PIK3AP1: variants seen among roughly 807,000 people sequenced by gnomAD.
PIK3AP1 encodes the protein phosphoinositide 3-kinase adapter protein 1.
Under a neutral mutation model 88.1 loss-of-function variants are expected in PIK3AP1, and 21 were observed. The observed-to-expected ratio is 0.24, with a 90% CI of 0.17 to 0.34. The LOEUF (loss-of-function observed/expected upper bound fraction) is 0.34, where lower values mean the gene tolerates loss of function less well. PIK3AP1 is among the 10% of genes least tolerant of loss of function. The probability of loss-of-function intolerance (pLI) is 1.00; values close to 1 mark genes in which losing one functional copy is unlikely to be tolerated. For missense variants in PIK3AP1, 828 were observed against 1,035.7 expected (o/e 0.80, Z 2.75); for synonymous variants, 398 against 400.0 (o/e 1.00, Z 0.06).
chr10:96,657,629 AGACCTACCTCT>A (rs1261733988), intron 2 of PIK3AP1, among the ~76,000 whole-genome samples: 2 of 151,536 alleles, frequency 1.3e-5, no homozygotes, highest in Non-Finnish European at 2.9e-5. Context: ...GTTAATTGAT[AGACCTACCTCT>A]GAGGTTGTGT....
chr10:96,598,035 T>C (rs2134175924), intron 16 of PIK3AP1, among the ~76,000 whole-genome samples: 1 of 124,482 alleles, frequency 8.0e-6, no homozygotes, highest in Non-Finnish European at 1.6e-5. Context: ...TTTTTTTTGT[T>C]TTTTTGTTGT....
chr10:96,616,773 A>G, intron 12 of PIK3AP1, 62 bp from the exon 13 acceptor site: 1 of 1,473,284 alleles, frequency 6.8e-7, no homozygotes, highest in South Asian at 1.1e-5. Context: ...TGGACATGAG[A>G]GTTTCTTTCA....
intron 3 of PIK3AP1, 145 bp downstream of exon 3, chr10:96,656,653 C>T: frequency 4.2e-6 from 5 of 1,191,182 alleles, no homozygotes; most frequent in Non-Finnish European, 5.9e-6. Flanking sequence ...GCCCGGGTAA[C>T]AGGGTACTCA....
intron 1 of PIK3AP1, among the ~76,000 whole-genome samples, chr10:96,714,241 A>G (rs1183016785): frequency 6.6e-6 from 1 of 152,152 alleles, no homozygotes; most frequent in Non-Finnish European, 1.5e-5. Context: ...TTTCCTGAGC[A>G]CTGATCATGT....
At chr10:96,679,018 T>C (rs1458373363) in intron 2 of PIK3AP1, among the ~76,000 whole-genome samples, 2 of 152,230 alleles carry the variant, frequency 1.3e-5, no homozygotes, top group South Asian at 2.1e-4. Flanking sequence ...CTGAGGATGA[T>C]GCAAATGCTC....
chr10:96,618,864 G>A (rs1843036859), intron 12 of PIK3AP1: 1 of 152,206 alleles, frequency 6.6e-6, no homozygotes, highest in Non-Finnish European at 1.5e-5. Context: ...TTTCTCAGCA[G>A]GACTGCAGCC....
At chr10:96,681,658 G>A (rs1252613171) in intron 2 of PIK3AP1, among the ~76,000 whole-genome samples, 6 of 152,200 alleles carry the variant, frequency 3.9e-5, no homozygotes, top group Middle Eastern at 3.2e-3. Context: ...TGAAGGCACC[G>A]AACCGGAGGC....
Position 96,645,536 on chromosome 10 carries a change from C to T in PIK3AP1, c.1312G>A (p.Gly438Ser), listed in dbSNP as rs2134228303. ...DLLMKCSLNP[G>S]CDEDLYESMA... ...GACTCATAGAGATCCTCGTCACAGC[C>T]GGGGTTGAGCGAGCATTTCATAAGC... The change falls in exon 8 of 17, where the codon GGC becomes AGC. Residue 438 changes from glycine (G) to serine (S), a missense_variant. Gly to Ser is a moderately conservative substitution (Grantham distance 56). Around this residue, in one of 3 missense-constraint regions of PIK3AP1, gnomAD observed 610 missense variants for 760.1 expected, o/e 0.80. Coordinates refer to ENST00000339364, the MANE Select transcript of PIK3AP1 (RefSeq NM_152309.3). 3.1e-6 allele frequency: 5 copies of T among 1,613,974 alleles called. No homozygotes were observed. The highest frequency in any genetic ancestry group is 1.1e-5 in the South Asian group (1 of 91,066).
intron 2 of PIK3AP1, among the ~76,000 whole-genome samples, chr10:96,686,261 C>T (rs1234850537): frequency 6.6e-6 from 1 of 152,172 alleles, no homozygotes; most frequent in Non-Finnish European, 1.5e-5. Context: ...TCCAAGACTT[C>T]AACCCAACAG....
chr10:96,697,245 C>T (rs970509455), intron 2 of PIK3AP1, among the ~76,000 whole-genome samples: 3 of 152,198 alleles, frequency 2.0e-5, no homozygotes, highest in Admixed American at 6.5e-5. Flanking sequence ...GCAGTCATTA[C>T]AGCAATAACA....
intron 2 of PIK3AP1, among the ~76,000 whole-genome samples, chr10:96,677,983 A>G (rs1185021429): frequency 6.6e-6 from 1 of 152,176 alleles, no homozygotes; most frequent in East Asian, 1.9e-4. Flanking sequence ...TTTTAGAGAC[A>G]AAGTCTTGCT....
At chr10:96,640,458 A>T (rs1018186360) in intron 8 of PIK3AP1, among the ~76,000 whole-genome samples, 1 of 152,142 alleles carries the variant, frequency 6.6e-6, no homozygotes, top group East Asian at 1.9e-4. Context: ...AGGTCCAGGG[A>T]CCACCAGGAC....
intron 14 of PIK3AP1, 83 bp downstream of exon 14, chr10:96,609,629 T>C: frequency 6.7e-7 from 1 of 1,489,092 alleles, no homozygotes; most frequent in Non-Finnish European, 9.1e-7. Flanking sequence ...TCCTGGGCTC[T>C]TAAGAGGATG....
At chr10:96,673,564 A>G (rs182221206) in intron 2 of PIK3AP1, among the ~76,000 whole-genome samples, 7 of 152,080 alleles carry the variant, frequency 4.6e-5, no homozygotes, top group Non-Finnish European at 7.4e-5. Context: ...TCCTCTCCCT[A>G]TGTAAATTTC....
chr10:96,651,792 G>A lies in PIK3AP1; in HGVS notation c.713-141C>T, dbSNP rs1564970994. 47 of 993,368 alleles carry A rather than the reference G, an allele frequency of 4.7e-5. No individual in the cohort carries two copies. In the East Asian group the frequency reaches 8.9e-4, roughly 19 times the overall value. 61.5% of individuals were successfully genotyped at this position (993,368 alleles called of 1,614,324 possible). A position where few individuals can be genotyped will look rare whatever the true frequency, so the allele number is the denominator to read the frequency against. On this transcript the variant is annotated intron_variant, in intron 4 of 16. Coordinates refer to ENST00000339364, the MANE Select transcript of PIK3AP1 (RefSeq NM_152309.3). ...AGAAAGATCTTGGAGGTGAGCTGGGGCGGGAGTGAGGGAAAGGGTGGAGGT... is the reference window on the plus strand; with the variant it reads ...AGAAAGATCTTGGAGGTGAGCTGGGACGGGAGTGAGGGAAAGGGTGGAGGT...
chr10:96,633,752 C>T (rs867987825), intron 8 of PIK3AP1, among the ~76,000 whole-genome samples: 2 of 152,198 alleles, frequency 1.3e-5, no homozygotes, highest in African/African-American at 4.8e-5. Flanking sequence ...AATTTCTACA[C>T]ATATTCTCAA....
intron 12 of PIK3AP1, 105 bp from the exon 13 acceptor site, chr10:96,616,816 G>A: frequency 9.2e-7 from 1 of 1,091,392 alleles, no homozygotes; most frequent in Admixed American, 1.8e-5. Context: ...ATATCACATT[G>A]CAGTCACATT....
At chr10:96,630,785 T>A (rs540624688) in intron 8 of PIK3AP1, among the ~76,000 whole-genome samples, 7 of 151,852 alleles carry the variant, frequency 4.6e-5, no homozygotes, top group African/African-American at 1.7e-4. Context: ...CTGGCTGCAG[T>A]GAGTTAGGAT....
intron 14 of PIK3AP1, 140 bp from the exon 15 acceptor site, chr10:96,604,189 CT>C: frequency 1.4e-6 from 1 of 700,636 alleles, no homozygotes; most frequent in Non-Finnish European, 2.2e-6. Flanking sequence ...CTTTGGCCAT[CT>C]TATACTTTTT....
Sources: allele counts gnomAD v4.1 joint callset (sites outside exome capture counted in the v4.1 genomes callset), GRCh38; gene constraint gnomAD v4.1.1; regional missense constraint gnomAD v4.1.1; transcripts MANE v1.5; gene names NCBI Gene and HGNC (gene_info 2026-07-23, HGNC 2026-07-21).